Variants in CGB5 observed in about 807,000 individuals in gnomAD.
The protein encoded by CGB5 is chorionic gonadotropin, beta polypeptide 5.
Under a neutral mutation model 7.6 loss-of-function variants are expected in CGB5, and 2 were observed. The ratio of observed to expected loss-of-function variants is 0.26; its 90% CI spans 0.11 to 0.83. The LOEUF (loss-of-function observed/expected upper bound fraction) is 0.83, where lower values mean the gene tolerates loss of function less well. CGB5 is among the 40% of genes least tolerant of loss of function. The pLI, the probability that CGB5 is intolerant of heterozygous loss-of-function variation, is 0.65. For missense variants in CGB5, 48 were observed against 228.2 expected (o/e 0.21, Z 5.09); for synonymous variants, 25 against 99.8 (o/e 0.25, Z 4.47).
chr19:49,044,405 C>T (rs2039917068), intron 1 of CGB5, 172 bp from the exon 2 acceptor site: 7 of 982,218 alleles, frequency 7.1e-6, no homozygotes, highest in Non-Finnish European at 8.4e-6. Context: ...CATCTCAGGT[C>T]CTCTGGGCTG....
In CGB5 at chr19:49,045,258, C is replaced by T; in HGVS notation, c.462C>T (p.Leu154=). 2 of 1,608,616 alleles carry T rather than the reference C, an allele frequency of 1.2e-6. No homozygotes were observed. Among genetic ancestry groups the T allele is most frequent in the South Asian group, 2.2e-5 (2 of 90,612 alleles). The change falls in exon 3 of 3, where the codon CTC becomes CTT. Residue 154 remains leucine (L), a synonymous_variant. Coordinates refer to ENST00000301408, the MANE Select transcript of CGB5 (RefSeq NM_033043.2). Reference sequence around the variant, plus strand: ...CCAGCCTTCCAAGTCCATCCCGACTCCCGGGGCCCTCGGACACCCCGATCC... The same window carrying T: ...CCAGCCTTCCAAGTCCATCCCGACTTCCGGGGCCCTCGGACACCCCGATCC... ...PPPSLPSPSR[L]PGPSDTPILP...
chr19:49,044,377 G>A lies in CGB5; in HGVS notation c.15+153G>A, dbSNP rs187967583. The A allele has an allele frequency of 8.2e-5, 81 of 983,096 alleles. 1 individual carries two copies. The East Asian group carries it at 1.8e-3, about 22-fold the overall frequency. The allele number at this position is 983,096 out of a possible 1,614,324, so 60.9% of individuals were successfully genotyped here. A position where few individuals can be genotyped will look rare whatever the true frequency, so the allele number is the denominator to read the frequency against. On this transcript the variant is annotated intron_variant, in intron 1 of 2. Coordinates refer to ENST00000301408, the MANE Select transcript of CGB5 (RefSeq NM_033043.2). Reference sequence around the variant, plus strand: ...CAGGTGGGGCAGTTCCTAAGGGTGGGGATCTGAAATTTTGGGGCATCTCAG... The same window carrying A: ...CAGGTGGGGCAGTTCCTAAGGGTGGAGATCTGAAATTTTGGGGCATCTCAG...
At chr19:49,044,884 G>T in intron 2 of CGB5, 96 bp from the exon 3 acceptor site, 2 of 1,574,258 alleles carry the variant, frequency 1.3e-6, no homozygotes, top group Non-Finnish European at 8.6e-7. Context: ...GGGCTTCCCG[G>T]ACCCCTGAGT....
rs1484656913 is a variant in CGB5 at position 49,044,755 on chromosome 19, C to G, written c.183+11C>G. ...TACTGCCCCACCATGGTGAGCTGCC[C>G]GGGGCCCGGGCAGGTGCTGCCACCT... On this transcript the variant is annotated intron_variant, in intron 2 of 2. Coordinates refer to ENST00000301408, the MANE Select transcript of CGB5 (RefSeq NM_033043.2). The G allele has an allele frequency of 6.3e-7, 1 of 1,591,782 alleles. No homozygotes were observed. Among genetic ancestry groups the G allele is most frequent in the African/African-American group, 1.4e-5 (1 of 71,662 alleles).
chr19:49,044,844 C>A, intron 2 of CGB5, 100 bp downstream of exon 2: 3 of 1,046,002 alleles, frequency 2.9e-6, no homozygotes, highest in East Asian at 5.1e-5. Flanking sequence ...TCAGGGGCTG[C>A]GGAATGGGGT....
At position 49,043,883 on chromosome 19, in the gene CGB5, C is replaced by G. The variant is rs1213187122; in HGVS notation, c.-327C>G. On this transcript the variant is annotated 5_prime_UTR_variant, in exon 1 of 3. Coordinates refer to ENST00000301408, the MANE Select transcript of CGB5 (RefSeq NM_033043.2). ...TCGGGTCACGGCCTCCTCCTGGCTCCCAGGACCCCACCATAGGCAGAGGCA... is the reference window on the plus strand; with the variant it reads ...TCGGGTCACGGCCTCCTCCTGGCTCGCAGGACCCCACCATAGGCAGAGGCA... 3.9e-6 allele frequency: 5 copies of G among 1,272,010 alleles called. No individual in the cohort carries two copies. In the African/African-American group the frequency reaches 4.5e-5, roughly 12 times the overall value. 78.8% of individuals were successfully genotyped at this position (1,272,010 alleles called of 1,614,324 possible).
At chr19:49,044,452 G>T (rs1432543115) in intron 1 of CGB5, 125 bp from the exon 2 acceptor site, 3 of 1,443,266 alleles carry the variant, frequency 2.1e-6, no homozygotes, top group Non-Finnish European at 2.7e-6. Context: ...CCGGGTGGTG[G>T]GTCCTGAATA....
intron 1 of CGB5, 143 bp from the exon 2 acceptor site, chr19:49,044,434 G>T (rs1320631922): frequency 1.3e-6 from 2 of 1,487,882 alleles, no homozygotes; most frequent in Non-Finnish European, 1.8e-6. Context: ...GCTCTGAAAG[G>T]CAGGTGTCCG....
Position 49,043,949 on chromosome 19 carries a change from T to A in CGB5, c.-261T>A. 5.9e-6 allele frequency: 7 copies of A among 1,177,206 alleles called. No individual in the cohort carries two copies. Among genetic ancestry groups the A allele is most frequent in the Non-Finnish European group, 8.1e-6 (7 of 868,684 alleles). The allele number at this position is 1,177,206 out of a possible 1,614,324, so 72.9% of individuals were successfully genotyped here. On this transcript the variant is annotated 5_prime_UTR_variant, in exon 1 of 3. Transcript: ENST00000301408. ...TACTCCCTGTGCCTCCAGGCTCGAC[T>A]AGTCCCTAGCACTCGACGACTGAGT...
rs370110240 is a variant in CGB5, at chr19:49,044,154, G to A, written c.-56G>A. 4.9e-4 allele frequency: 789 copies of A among 1,613,724 alleles called. No homozygotes were observed. The highest frequency in any genetic ancestry group is 6.0e-4 in the Non-Finnish European group (711 of 1,179,810). On this transcript the variant is annotated 5_prime_UTR_variant, in exon 1 of 3. Transcript: ENST00000301408. ...CCTACAACCTCCTGGTGGCCTTGCC[G>A]CCCCCACAACCCCGAGGTATAAAGC...
chr19:49,044,911 C>T (rs1477346149), intron 2 of CGB5, 69 bp from the exon 3 acceptor site: 40 of 1,591,022 alleles, frequency 2.5e-5, no homozygotes, highest in South Asian at 3.3e-5. Context: ...CCTGTGGGGG[C>T]AACTGGGGAG....
intron 2 of CGB5, 70 bp from the exon 3 acceptor site, chr19:49,044,910 G>A: frequency 6.3e-7 from 1 of 1,591,134 alleles, no homozygotes; most frequent in Middle Eastern, 2.3e-4. Flanking sequence ...ACCTGTGGGG[G>A]CAACTGGGGA....
At position 49,044,098 on chromosome 19, in the gene CGB5, C is replaced by G; in HGVS notation, c.-112C>G. 6.9e-6 allele frequency: 11 copies of G among 1,605,128 alleles called. No individual in the cohort carries two copies. Among genetic ancestry groups the G allele is most frequent in the African/African-American group, 1.3e-5 (1 of 74,532 alleles). ...CTGGCCTTGTCTACCTCTTGCCCCC[C>G]GAAGGGTTAGTGTCGAGCTCACCCC... is the stretch of plus-strand genomic sequence containing the variant. On this transcript the variant is annotated 5_prime_UTR_variant, in exon 1 of 3. Coordinates refer to ENST00000301408, the MANE Select transcript of CGB5 (RefSeq NM_033043.2).
chr19:49,043,958 G>A lies in CGB5; in HGVS notation c.-252G>A, dbSNP rs1023440880. On this transcript the variant is annotated 5_prime_UTR_variant, in exon 1 of 3. Coordinates refer to ENST00000301408, the MANE Select transcript of CGB5 (RefSeq NM_033043.2). ...TGCCTCCAGGCTCGACTAGTCCCTA[G>A]CACTCGACGACTGAGTCTCTGAGAT... is the stretch of plus-strand genomic sequence containing the variant. The A allele has an allele frequency of 9.2e-6, 11 of 1,196,104 alleles. No individual in the cohort carries two copies. The highest frequency in any genetic ancestry group is 4.6e-5 in the African/African-American group (3 of 64,672). 74.1% of individuals were successfully genotyped at this position (1,196,104 alleles called of 1,614,324 possible). A position where few individuals can be genotyped will look rare whatever the true frequency, so the allele number is the denominator to read the frequency against.
In CGB5 at chr19:49,044,040, TG is replaced by T. The variant is rs1233972560; in HGVS notation, c.-166del. On this transcript the variant is annotated 5_prime_UTR_variant, in exon 1 of 3. Coordinates refer to ENST00000301408, the MANE Select transcript of CGB5 (RefSeq NM_033043.2). ...CGCTGGACCAGTGAGAGGAGAGGGC[TG>T]GGGCGCTCCGCTGAGCCACTCCTGC... 1.8e-6 allele frequency: 2 copies of T among 1,114,348 alleles called. No homozygotes were observed. The highest frequency in any genetic ancestry group is 2.5e-6 in the Non-Finnish European group (2 of 786,566). The allele number at this position is 1,114,348 out of a possible 1,614,324, so 69.0% of individuals were successfully genotyped here. A position where few individuals can be genotyped will look rare whatever the true frequency, so the allele number is the denominator to read the frequency against.
chr19:49,044,112 C>G lies in CGB5; in HGVS notation c.-98C>G, dbSNP rs570939829. ...CTCTTGCCCCCCGAAGGGTTAGTGT[C>G]GAGCTCACCCCAGCATCCTACAACC... is the stretch of plus-strand genomic sequence containing the variant. On this transcript the variant is annotated 5_prime_UTR_variant, in exon 1 of 3. Transcript: ENST00000301408. The G allele has an allele frequency of 2.7e-5, 44 of 1,612,000 alleles. No individual in the cohort carries two copies. Among genetic ancestry groups the G allele is most frequent in the Admixed American group, 2.2e-4 (13 of 59,996 alleles).
Position 49,045,305 on chromosome 19 carries a change from A to G in CGB5, c.*11A>G, listed in dbSNP as rs772141395. ...ATCCTCCCACAATAAAGGCTTCTCA[A>G]TCCGCACTCTGGAGGTGTCTTTCTG... On this transcript the variant is annotated 3_prime_UTR_variant, in exon 3 of 3. Coordinates refer to ENST00000301408, the MANE Select transcript of CGB5 (RefSeq NM_033043.2). The G allele has an allele frequency of 5.2e-5, 83 of 1,611,118 alleles. No individual in the cohort carries two copies. The Admixed American group carries it at 1.4e-3, about 27-fold the overall frequency.
rs2039910017 is a variant in CGB5, at chr19:49,043,927, T to A, written c.-283T>A. 1 of 1,155,160 alleles carries A rather than the reference T, an allele frequency of 8.7e-7. No homozygotes were observed. Among genetic ancestry groups the A allele is most frequent in the Non-Finnish European group, 1.2e-6 (1 of 857,090 alleles). 71.6% of individuals were successfully genotyped at this position (1,155,160 alleles called of 1,614,324 possible). On this transcript the variant is annotated 5_prime_UTR_variant, in exon 1 of 3. Transcript: ENST00000301408. The stretch of plus-strand genomic sequence containing the variant: ...AGAGGCAGGCCTTCCTACACCCTAC[T>A]CCCTGTGCCTCCAGGCTCGACTAGT...
At chr19:49,044,913 AC>A in intron 2 of CGB5, 66 bp from the exon 3 acceptor site, 2 of 1,583,762 alleles carry the variant, frequency 1.3e-6, no homozygotes, top group Non-Finnish European at 1.7e-6. Flanking sequence ...TGTGGGGGCA[AC>A]TGGGGAGCTC....
Sources: allele counts gnomAD v4.1 joint callset, GRCh38; gene constraint gnomAD v4.1.1; transcripts MANE v1.5; gene names NCBI Gene and HGNC (gene_info 2026-07-23, HGNC 2026-07-21).